The following DOCK8 variants were observed in gnomAD, a reference collection of about 807,000 sequenced individuals.
DOCK8 encodes dedicator of cytokinesis protein 8.
A neutral mutation model predicts 245.6 loss-of-function variants in DOCK8; 141 were observed. That is an observed-to-expected ratio of 0.57 (90% CI 0.50 to 0.66). The LOEUF is 0.66. DOCK8 is among the 30% of genes least tolerant of loss of function. The pLI, the probability that DOCK8 is intolerant of heterozygous loss-of-function variation, is 0.00. For missense variants in DOCK8, 2,965 were observed against 2,603.4 expected (o/e 1.14, Z -3.02); for synonymous variants, 1,168 against 970.2 (o/e 1.20, Z -3.79).
rs578013318 is a variant in DOCK8, at chr9:434,441, A to G, written c.4887-342A>G. On this transcript the variant is annotated intron_variant, in intron 38 of 47. Transcript: ENST00000432829. Reference sequence around the variant, plus strand: ...TCTGATGCAACATCATACAAAGGGCAGTACTTTTGTCTTCTGTTTTATTTT... The same window carrying G: ...TCTGATGCAACATCATACAAAGGGCGGTACTTTTGTCTTCTGTTTTATTTT... 2.4e-4 allele frequency among the ~76,000 whole-genome samples: 36 copies of G among 152,328 alleles called. 1 individual carries two copies. In the South Asian group the frequency reaches 7.2e-3, roughly 31 times the overall value.
intron 14 of DOCK8, among the ~76,000 whole-genome samples, chr9:363,238 C>G (rs1331024037): frequency 6.6e-6 from 1 of 152,174 alleles, no homozygotes; most frequent in Non-Finnish European, 1.5e-5. Flanking sequence ...ATACTAAATG[C>G]CTGGCACATA....
At chr9:379,065 A>G (rs1563985293) in intron 20 of DOCK8, among the ~76,000 whole-genome samples, 3 of 152,196 alleles carry the variant, frequency 2.0e-5, no homozygotes, top group Non-Finnish European at 2.9e-5. Flanking sequence ...GGACAACAGC[A>G]TGAGCAAAGT....
intron 2 of DOCK8, among the ~76,000 whole-genome samples, chr9:280,552 C>G (rs536182114): frequency 6.6e-6 from 1 of 152,210 alleles, no homozygotes; most frequent in African/African-American, 2.4e-5. Flanking sequence ...TGGGCACAAG[C>G]TGAAGCCTGG....
chr9:311,167 C>G (rs1224398287), intron 5 of DOCK8, among the ~76,000 whole-genome samples: 1 of 151,954 alleles, frequency 6.6e-6, no homozygotes, highest in Non-Finnish European at 1.5e-5. Context: ...CGCCTGTAGT[C>G]CCATCTGCTA....
At position 304,662 on chromosome 9, in the gene DOCK8, G is replaced by T; in HGVS notation, c.486G>T (p.Thr162=). The part of the protein sequence containing the change: ...KDFHKTLPKQ[T]FESETLECSE... ...TTCACAAGACGCTTCCGAAACAGAC[G>T]TTTGAGTCGGAAACCTTGGAGTGCA... is the stretch of plus-strand genomic sequence containing the variant. The change falls in exon 5 of 48, where the codon ACG becomes ACT. Residue 162 remains threonine (T), a synonymous_variant. Transcript: ENST00000432829. The T allele has an allele frequency of 6.2e-7, 1 of 1,614,150 alleles. No homozygotes were observed. Among genetic ancestry groups the T allele is most frequent in the African/African-American group, 1.3e-5 (1 of 75,028 alleles).
At chr9:245,120 C>A (rs2047476747) in intron 1 of DOCK8, among the ~76,000 whole-genome samples, 1 of 152,168 alleles carries the variant, frequency 6.6e-6, no homozygotes, top group African/African-American at 2.4e-5. Flanking sequence ...CACACTCACT[C>A]CACAAGCCAC....
Position 434,922 on chromosome 9 carries a change from C to A in DOCK8, c.5026C>A (p.Leu1676Met), listed in dbSNP as rs764466085. The A allele has an allele frequency of 6.2e-7, 1 of 1,613,688 alleles. No homozygotes were observed. The highest frequency in any genetic ancestry group is 1.1e-5 in the South Asian group (1 of 91,066). Residue 1676 changes from leucine to methionine, a missense_variant, in exon 39 of 48, where the codon CTG (leucine) becomes ATG (methionine). Transcript: ENST00000432829. ...CGCCGCTGCGTTAGTGGCTGAGTAT[C>A]TGAGCATGCTGGAGGACCACAGCTA... Reference protein sequence around the residue: ...VHAAALVAEYLSMLEDHSYLP... With the variant: ...VHAAALVAEYMSMLEDHSYLP...
intron 1 of DOCK8, among the ~76,000 whole-genome samples, chr9:216,567 G>C (rs999125039): frequency 9.9e-5 from 12 of 121,170 alleles, no homozygotes; most frequent in African/African-American, 3.4e-4. Flanking sequence ...CAAAAACAAG[G>C]CATGAAGTAT....
At chr9:296,142 A>G (rs1415760147) in intron 4 of DOCK8, among the ~76,000 whole-genome samples, 1 of 152,112 alleles carries the variant, frequency 6.6e-6, no homozygotes, top group East Asian at 1.9e-4. Flanking sequence ...TTTTCTCCCC[A>G]TGACTTTTGA....
intron 7 of DOCK8, among the ~76,000 whole-genome samples, chr9:318,884 A>C (rs1415439009): frequency 6.6e-6 from 1 of 152,254 alleles, no homozygotes; most frequent in African/African-American, 2.4e-5. Context: ...GAGATGGCAG[A>C]AATTCTCCTC....
intron 2 of DOCK8, among the ~76,000 whole-genome samples, chr9:276,809 T>C (rs2048364394): frequency 6.6e-6 from 1 of 152,102 alleles, no homozygotes; most frequent in Non-Finnish European, 1.5e-5. Context: ...TCTTTTCATT[T>C]ATTTATTTAT....
intron 4 of DOCK8, among the ~76,000 whole-genome samples, chr9:291,295 G>GAA (rs905746647): frequency 6.6e-6 from 1 of 151,724 alleles, no homozygotes; most frequent in Non-Finnish European, 1.5e-5. Context: ...AAATGTAAGA[G>GAA]AAAAAAATGA....
intron 1 of DOCK8, among the ~76,000 whole-genome samples, chr9:261,683 A>C (rs1397271041): frequency 2.6e-5 from 4 of 152,220 alleles, no homozygotes; most frequent in Non-Finnish European, 4.4e-5. Flanking sequence ...ATGATAGAAC[A>C]GAAGTATGTT....
chr9:274,963 A>T (rs1462923470), intron 2 of DOCK8, among the ~76,000 whole-genome samples: 1 of 152,234 alleles, frequency 6.6e-6, no homozygotes, highest in African/African-American at 2.4e-5. Context: ...AAGTCAAGTT[A>T]TTTAGAACCT....
chr9:462,239 A>T (rs1286922656), intron 46 of DOCK8, among the ~76,000 whole-genome samples: 1 of 152,136 alleles, frequency 6.6e-6, no homozygotes, highest in Non-Finnish European at 1.5e-5. Flanking sequence ...GTTTGGCTGA[A>T]TCCTAGCAAT....
intron 4 of DOCK8, among the ~76,000 whole-genome samples, chr9:298,535 TC>T (rs1029562274): frequency 1.4e-4 from 21 of 152,100 alleles, no homozygotes; most frequent in African/African-American, 5.1e-4. Flanking sequence ...AGAATTCACC[TC>T]ATGTTCATGC....
At chr9:379,749 C>A (rs1418309000) in intron 20 of DOCK8, 22 bp from the exon 21 acceptor site, 1 of 1,614,054 alleles carries the variant, frequency 6.2e-7, no homozygotes. Context: ...TGGGACTACC[C>A]ATTTTTCTCT....
At chr9:395,874 C>T (rs142426619) in intron 24 of DOCK8, among the ~76,000 whole-genome samples, 25 of 151,818 alleles carry the variant, frequency 1.6e-4, no homozygotes, top group East Asian at 1.9e-4. Flanking sequence ...TATATAGATA[C>T]GATATGTATA....
chr9:256,410 C>G (rs62531334), intron 1 of DOCK8, among the ~76,000 whole-genome samples: 6 of 152,136 alleles, frequency 3.9e-5, no homozygotes, highest in African/African-American at 1.2e-4. Context: ...GTACCCAATT[C>G]GTTTCTGCTT....
Sources: gnomAD v4.1 joint callset for allele counts (sites outside exome capture counted in the v4.1 genomes callset) on GRCh38, gnomAD v4.1.1 for gene constraint, MANE v1.5 for transcripts, NCBI Gene and HGNC (gene_info 2026-07-23, HGNC 2026-07-21) for gene names.